Variants in KIR2DL4 observed in about 807,000 individuals in gnomAD.
KIR2DL4 encodes killer cell immunoglobulin like receptor, two Ig domains and long cytoplasmic tail 4.
Under a neutral mutation model 31.0 loss-of-function variants are expected in KIR2DL4, and 41 were observed. That is an observed-to-expected ratio of 1.32 (90% CI 1.03 to 1.72). The LOEUF (loss-of-function observed/expected upper bound fraction) is 1.72, where lower values mean the gene tolerates loss of function less well. KIR2DL4 is among the 40% of genes most tolerant of loss of function. The pLI, the probability that KIR2DL4 is intolerant of heterozygous loss-of-function variation, is 0.00. For missense variants in KIR2DL4, 438 were observed against 353.7 expected, an observed-to-expected ratio of 1.24 and a Z score of -1.91; for synonymous variants, 164 against 133.6, an observed-to-expected ratio of 1.23 and a Z score of -1.57.
chr19:54,806,266 C>T, intron 4 of KIR2DL4, 22 bp downstream of exon 4: 1 of 1,603,204 alleles, frequency 6.2e-7, no homozygotes, highest in African/African-American at 1.4e-5. Flanking sequence ...CAATGTCTGT[C>T]CCATGTCCTA....
Position 54,804,861 on chromosome 19 carries a change from C to G in KIR2DL4, c.145C>G (p.Leu49Val), listed in dbSNP as rs1252696825. The G allele has an allele frequency of 8.1e-6, 13 of 1,612,382 alleles. 3 individuals carry two copies. In the South Asian group the frequency reaches 1.4e-4, roughly 18 times the overall value. ...GGTGCCTCAAGGAGGACACGTGACTCTTCGGTGTCACTATCGTCGTGGGTT... is the reference window on the plus strand; with the variant it reads ...GGTGCCTCAAGGAGGACACGTGACTGTTCGGTGTCACTATCGTCGTGGGTT... Residue 49 changes from leucine (L) to valine (V), a missense_variant, in exon 3 of 8, where the codon CTT becomes GTT. Coordinates refer to ENST00000359085, the Ensembl canonical transcript of KIR2DL4.
chr19:54,808,709 G>A (rs1385603872), intron 4 of KIR2DL4, 124 bp from the exon 5 acceptor site: 1 of 787,236 alleles, frequency 1.3e-6, no homozygotes, highest in Non-Finnish European at 2.3e-6. Context: ...AGAATGGGAT[G>A]CCAGGACTCC....
intron 5 of KIR2DL4, among the ~76,000 whole-genome samples, chr19:54,811,150 C>A (rs1412337950): frequency 6.6e-6 from 1 of 151,292 alleles, no homozygotes; most frequent in Non-Finnish European, 1.5e-5. Context: ...TGTAACCCAA[C>A]ATTTTGGGAG....
chr19:54,804,925 T>C (rs1007892399), exon 3 of KIR2DL4: 1 of 1,612,322 alleles, frequency 6.2e-7, no homozygotes, highest in Non-Finnish European at 8.5e-7. Flanking sequence ...GGGGTCCCTG[T>C]CCCTGAGCTC....
chr19:54,811,843 AG>A (rs1263805405), intron 5 of KIR2DL4, among the ~76,000 whole-genome samples: 4 of 151,276 alleles, frequency 2.6e-5, no homozygotes, highest in South Asian at 4.3e-4. Context: ...CAGATGATGG[AG>A]GGGGTGGTCT....
chr19:54,809,472 T>A (rs592645), intron 5 of KIR2DL4, among the ~76,000 whole-genome samples: 28,132 of 150,758 alleles, frequency 0.19, 3,115 homozygotes, highest in South Asian at 0.32. Flanking sequence ...ACCACATTTT[T>A]AAAAAATATC....
intron 5 of KIR2DL4, among the ~76,000 whole-genome samples, chr19:54,811,218 T>G (rs1239709588): frequency 1.3e-5 from 2 of 150,760 alleles, no homozygotes; most frequent in Non-Finnish European, 2.9e-5. Flanking sequence ...GACAACATGG[T>G]GAAACCCCAT....
chr19:54,803,873 C>A lies in KIR2DL4; in HGVS notation c.41-18C>A. On this transcript the variant is annotated intron_variant, in intron 1 of 7. Coordinates refer to ENST00000359085, the Ensembl canonical transcript of KIR2DL4. ...GTTGCTGCCGAGATGAATAGTTCAT[C>A]ATGATCTTTCTTTGCAGGGTTCTTC... 1 of 1,608,268 alleles carries A rather than the reference C, an allele frequency of 6.2e-7. No homozygotes were observed. The highest frequency in any genetic ancestry group is 1.4e-5 in the African/African-American group (1 of 73,490).
exon 8 of KIR2DL4, chr19:54,813,951 C>G (rs1381250735): frequency 6.2e-7 from 1 of 1,612,454 alleles, no homozygotes; most frequent in Admixed American, 1.7e-5. Context: ...AGACCCTCAA[C>G]AGATACCAGC....
At chr19:54,805,911 G>A in intron 3 of KIR2DL4, 40 bp from the exon 4 acceptor site, 1 of 1,552,566 alleles carries the variant, frequency 6.4e-7, no homozygotes. Flanking sequence ...GCTGTGACAA[G>A]GAAGAACCTC....
chr19:54,804,748 A>G (rs1172638209), intron 2 of KIR2DL4, 45 bp from the exon 3 acceptor site: 1 of 1,575,422 alleles, frequency 6.3e-7, no homozygotes, highest in African/African-American at 1.4e-5. Flanking sequence ...AGGGAGGGGC[A>G]GCTCAACATA....
exon 8 of KIR2DL4, chr19:54,814,235 GC>G: frequency 8.8e-7 from 1 of 1,132,832 alleles, no homozygotes; most frequent in Non-Finnish European, 1.3e-6. Context: ...CCTTTGCTTA[GC>G]CCACAATTCT....
rs2060525700 is a variant in KIR2DL4 at position 54,806,283 on chromosome 19, T to C, written c.655+39T>C. On this transcript the variant is annotated intron_variant, in intron 4 of 7. Coordinates refer to ENST00000359085, the Ensembl canonical transcript of KIR2DL4. ...ATGTCTGTCCCATGTCCTATGGTCC[T>C]AGAGCCTTAGCTGAGGAGCTTCCTG... 2.5e-6 allele frequency: 4 copies of C among 1,583,562 alleles called. No individual in the cohort carries two copies. In the Admixed American group the frequency reaches 6.9e-5, roughly 27 times the overall value.
intron 5 of KIR2DL4, chr19:54,813,119 C>T: frequency 6.9e-7 from 1 of 1,447,150 alleles, no homozygotes; most frequent in Non-Finnish European, 9.5e-7. Flanking sequence ...TCCCATCTTC[C>T]TCCAGGTATC....
In KIR2DL4 at chr19:54,804,783, T is replaced by C; in HGVS notation, c.77-10T>C. 1.2e-6 allele frequency: 2 copies of C among 1,609,270 alleles called. No homozygotes were observed. Among genetic ancestry groups the C allele is most frequent in the Non-Finnish European group, 1.7e-6 (2 of 1,178,394 alleles). Reference sequence around the variant, plus strand: ...ACTCCTCTCTGAGGCGGCATCTCCTTCTCCCCAAGGTGGTCAGGACAAGCC... The same window carrying C: ...ACTCCTCTCTGAGGCGGCATCTCCTCCTCCCCAAGGTGGTCAGGACAAGCC... On this transcript the variant is annotated splice_polypyrimidine_tract_variant and intron_variant, in intron 2 of 7. Transcript: ENST00000359085.
At chr19:54,806,114 T>C (rs1028119455) in exon 4 of KIR2DL4, 1 of 1,611,998 alleles carries the variant, frequency 6.2e-7, no homozygotes, top group Admixed American at 1.7e-5. Flanking sequence ...CCAGCATCAA[T>C]GGAACATTCC....
At chr19:54,813,819 A>G (rs1284313792) in intron 7 of KIR2DL4, 23 bp from the exon 7 acceptor site, 22 of 1,611,748 alleles carry the variant, frequency 1.4e-5, no homozygotes, top group Admixed American at 5.0e-5. Context: ...ACCCTCCCTC[A>G]CTCAGGATTT....
At chr19:54,810,942 A>G (rs987882435) in intron 5 of KIR2DL4, among the ~76,000 whole-genome samples, 1 of 151,206 alleles carries the variant, frequency 6.6e-6, no homozygotes, top group Non-Finnish European at 1.5e-5. Context: ...TGTGAGGTAG[A>G]GTAATTTGCA....
chr19:54,805,820 TG>T, intron 3 of KIR2DL4, 130 bp from the exon 4 acceptor site: 2 of 843,034 alleles, frequency 2.4e-6, no homozygotes, highest in Non-Finnish European at 1.8e-6. Context: ...CAGGAAGAGT[TG>T]GGGGTGGAGG....
Sources: gnomAD v4.1 joint callset for allele counts (sites outside exome capture counted in the v4.1 genomes callset) on GRCh38, gnomAD v4.1.1 for gene constraint, MANE v1.5 for transcripts, NCBI Gene and HGNC (gene_info 2026-07-23, HGNC 2026-07-21) for gene names.